The following FRMD3 variants were observed in gnomAD, a reference collection of about 807,000 sequenced individuals.
FRMD3 encodes FERM domain-containing protein 3.
A neutral mutation model predicts 70.2 loss-of-function variants in FRMD3; 33 were observed. That is an observed-to-expected ratio of 0.47 (90% CI 0.36 to 0.63). FRMD3 has a LOEUF of 0.63. Ranked by LOEUF, FRMD3 falls within the 20% of genes least tolerant of loss-of-function variation. FRMD3 has a pLI of 0.00. For synonymous variants in FRMD3, 279 were observed against 255.9 expected, an observed-to-expected ratio of 1.09 and a Z score of -0.86; for missense variants, 632 against 711.4, an observed-to-expected ratio of 0.89 and a Z score of 1.27.
At chr9:83,277,117 A>C (rs1707101147) in intron 13 of FRMD3, among the ~76,000 whole-genome samples, 1 of 152,242 alleles carries the variant, frequency 6.6e-6, no homozygotes, top group African/African-American at 2.4e-5. Context: ...ATATTTTTGC[A>C]TATTTATGTG....
In FRMD3 at chr9:83,480,264, A is replaced by G. The variant is rs146939423; in HGVS notation, c.147+57821T>C. 1.4e-3 allele frequency among the ~76,000 whole-genome samples: 214 copies of G among 152,296 alleles called. 3 individuals are homozygous for G. The East Asian group carries it at 0.036, about 26-fold the overall frequency. The stretch of plus-strand genomic sequence containing the variant: ...CAGAGTATTATTCAGCAGTCAAAAC[A>G]AATGAACTAAAACAACCTGCAGCAT... On this transcript the variant is annotated intron_variant, in intron 1 of 13. Transcript: ENST00000304195.
the FRMD3 span, among the ~76,000 whole-genome samples, chr9:83,559,592 C>T: frequency 6.6e-6 from 1 of 152,152 alleles, no homozygotes; most frequent in African/African-American, 2.4e-5. Context: ...TTGCCATTTT[C>T]TAGGTGAAGG....
intron 13 of FRMD3, among the ~76,000 whole-genome samples, chr9:83,255,167 A>T (rs1246976564): frequency 6.6e-6 from 1 of 152,184 alleles, no homozygotes; most frequent in Non-Finnish European, 1.5e-5. Context: ...CAGCATATCG[A>T]AAGGCTTATC....
chr9:83,342,043 A>ATCTCTCTCTCTCTCTCTCTCTCTCTC (rs112748690), intron 5 of FRMD3, among the ~76,000 whole-genome samples: 15 of 139,748 alleles, frequency 1.1e-4, no homozygotes, highest in African/African-American at 3.9e-4. Flanking sequence ...TGACATAGTC[A>ATCTCTCTCTCTCTCTCTCTCTCTCTC]TCTCTCTCTC....
At chr9:83,261,873 A>G (rs1438366174) in intron 13 of FRMD3, among the ~76,000 whole-genome samples, 2 of 152,210 alleles carry the variant, frequency 1.3e-5, no homozygotes, top group Non-Finnish European at 2.9e-5. Context: ...TAATTACCTA[A>G]TTGTGCTATT....
Position 83,305,569 on chromosome 9 carries a change from C to T in FRMD3, c.926+3967G>A, listed in dbSNP as rs1394796318. Among the ~76,000 whole-genome samples the T allele has an allele frequency of 2.0e-5, 3 of 152,152 alleles. No homozygotes were observed. The East Asian group carries it at 5.8e-4, about 29-fold the overall frequency. On this transcript the variant is annotated intron_variant, in intron 10 of 13. Transcript: ENST00000304195. Reference sequence around the variant, plus strand: ...CCCCAGTGGTACAAGCAAATGCACCCAGGTCAGTCCCAGGCCCATTCATTC... The same window carrying T: ...CCCCAGTGGTACAAGCAAATGCACCTAGGTCAGTCCCAGGCCCATTCATTC...
intron 3 of FRMD3, among the ~76,000 whole-genome samples, chr9:83,353,723 C>T (rs1824240898): frequency 6.6e-6 from 1 of 152,136 alleles, no homozygotes; most frequent in African/African-American, 2.4e-5. Flanking sequence ...ATTTTGAAAG[C>T]CTCTTTTCTC....
At chr9:83,368,923 C>G (rs7469747) in intron 3 of FRMD3, among the ~76,000 whole-genome samples, 1 of 152,010 alleles carries the variant, frequency 6.6e-6, no homozygotes, top group Non-Finnish European at 1.5e-5. Flanking sequence ...GGCACCAACT[C>G]GGCTCACTTC....
At chr9:83,291,797 C>G (rs1834430136) in intron 12 of FRMD3, among the ~76,000 whole-genome samples, 1 of 152,166 alleles carries the variant, frequency 6.6e-6, no homozygotes, top group Non-Finnish European at 1.5e-5. Flanking sequence ...AAATGCAATC[C>G]TGGCTTGACA....
At chr9:83,265,156 T>C (rs1833184721) in intron 13 of FRMD3, among the ~76,000 whole-genome samples, 1 of 152,030 alleles carries the variant, frequency 6.6e-6, no homozygotes, top group Non-Finnish European at 1.5e-5. Context: ...ATCCCAGTAC[T>C]ATAGGAGGCC....
At chr9:83,364,638 T>C (rs1415171636) in intron 3 of FRMD3, among the ~76,000 whole-genome samples, 1 of 152,164 alleles carries the variant, frequency 6.6e-6, no homozygotes, top group African/African-American at 2.4e-5. Context: ...TTTGTCAGGA[T>C]TTTGCTTCAT....
chr9:83,413,073 A>T (rs949438685), intron 1 of FRMD3, among the ~76,000 whole-genome samples: 13 of 152,164 alleles, frequency 8.5e-5, no homozygotes, highest in African/African-American at 3.1e-4. Flanking sequence ...CTAATAAAAT[A>T]ATTGCATTTG....
At chr9:83,500,168 C>G (rs1034436580) in intron 1 of FRMD3, among the ~76,000 whole-genome samples, 1 of 151,958 alleles carries the variant, frequency 6.6e-6, no homozygotes. Context: ...ATGGTGGATA[C>G]AGGACATATT....
At chr9:83,486,405 C>G (rs1284812894) in intron 1 of FRMD3, among the ~76,000 whole-genome samples, 1 of 152,158 alleles carries the variant, frequency 6.6e-6, no homozygotes, top group Non-Finnish European at 1.5e-5. Flanking sequence ...AGATGGCACT[C>G]TAGGTGGCCT....
At chr9:83,570,484 G>A in the FRMD3 span, among the ~76,000 whole-genome samples, 1 of 152,192 alleles carries the variant, frequency 6.6e-6, no homozygotes, top group East Asian at 1.9e-4. Flanking sequence ...CACACTTAGT[G>A]TTCTCAGCAA....
chr9:83,333,637 G>A (rs769166800), intron 6 of FRMD3, among the ~76,000 whole-genome samples: 13 of 151,998 alleles, frequency 8.6e-5, no homozygotes, highest in Admixed American at 1.3e-4. Flanking sequence ...CCCGTTTCTT[G>A]TCTGAATACC....
rs528923455 is a variant in FRMD3 at position 83,351,358 on chromosome 9, A to G, written c.296-1601T>C. On this transcript the variant is annotated intron_variant, in intron 3 of 13. Transcript: ENST00000304195. Reference sequence around the variant, plus strand: ...CACACACACACACACACACACTAGAACTCTTTTCATTCAACGCCCTACTTC... The same window carrying G: ...CACACACACACACACACACACTAGAGCTCTTTTCATTCAACGCCCTACTTC... Among the ~76,000 whole-genome samples the G allele has an allele frequency of 1.7e-4, 25 of 150,960 alleles. No homozygotes were observed. In the South Asian group the frequency reaches 2.7e-3, roughly 17 times the overall value.
intron 13 of FRMD3, among the ~76,000 whole-genome samples, chr9:83,271,314 C>G (rs899260451): frequency 6.6e-6 from 1 of 152,096 alleles, no homozygotes; most frequent in Non-Finnish European, 1.5e-5. Flanking sequence ...ATTAAATGTT[C>G]TTTGTAATCA....
chr9:83,468,233 A>T (rs1303123346), intron 1 of FRMD3, among the ~76,000 whole-genome samples: 2 of 152,246 alleles, frequency 1.3e-5, no homozygotes, highest in African/African-American at 4.8e-5. Flanking sequence ...CAAGGTCAGA[A>T]ACCATTCCTT....
Sources: allele counts gnomAD v4.1 joint callset (sites outside exome capture counted in the v4.1 genomes callset), GRCh38; gene constraint gnomAD v4.1.1; transcripts MANE v1.5; gene names NCBI Gene and HGNC (gene_info 2026-07-23, HGNC 2026-07-21).